NFU1: variants seen among roughly 807,000 people sequenced by gnomAD.
NFU1 encodes the protein NFU1 iron-sulfur cluster scaffold homolog, mitochondrial.
NFU1 carries 30 observed loss-of-function variants against 32.2 expected under a neutral mutation model. The ratio of observed to expected loss-of-function variants is 0.93; its 90% CI spans 0.70 to 1.26. NFU1 has a LOEUF of 1.26. Ranked by LOEUF, NFU1 falls within the 50% of genes most tolerant of loss-of-function variation. The pLI is 0.00. For missense variants in NFU1, 306 were observed against 306.6 expected (o/e 1.00, Z 0.02); for synonymous variants, 112 against 104.6 (o/e 1.07, Z -0.43).
intron 6 of NFU1, among the ~76,000 whole-genome samples, chr2:69,405,223 G>A (rs560963258): frequency 6.6e-6 from 1 of 152,220 alleles, no homozygotes; most frequent in Admixed American, 6.5e-5. Context: ...GGGTGACAGA[G>A]CAAGACTCCG....
At chr2:69,406,192 C>G in intron 5 of NFU1, 110 bp from the exon 6 acceptor site, 1 of 690,772 alleles carries the variant, frequency 1.4e-6, no homozygotes, top group Non-Finnish European at 2.5e-6. Flanking sequence ...AAACATAAAA[C>G]TATAGAAAGA....
At chr2:69,416,584 T>C (rs1291498827) in intron 4 of NFU1, among the ~76,000 whole-genome samples, 1 of 151,962 alleles carries the variant, frequency 6.6e-6, no homozygotes, top group Non-Finnish European at 1.5e-5. Context: ...AATTTACTTA[T>C]ATATATTACT....
chr2:69,423,422 A>ATT (rs141049329), intron 3 of NFU1, among the ~76,000 whole-genome samples, 160 bp downstream of exon 3: 6 of 148,610 alleles, frequency 4.0e-5, no homozygotes, highest in African/African-American at 5.0e-5. Flanking sequence ...AACAGGCCTT[A>ATT]TTTTTTTTTT....
At chr2:69,404,831 G>T (rs868002705) in intron 6 of NFU1, among the ~76,000 whole-genome samples, 1 of 151,160 alleles carries the variant, frequency 6.6e-6, no homozygotes, top group South Asian at 2.1e-4. Context: ...TGTTGGCCAG[G>T]CTGGTCTTGA....
At chr2:69,425,699 T>G (rs1437433899) in intron 2 of NFU1, among the ~76,000 whole-genome samples, 1 of 151,794 alleles carries the variant, frequency 6.6e-6, no homozygotes, top group Non-Finnish European at 1.5e-5. Context: ...TTGGCCAGGC[T>G]GATCTCAAAC....
chr2:69,435,187 G>A (rs1454906273), intron 1 of NFU1, among the ~76,000 whole-genome samples: 1 of 152,168 alleles, frequency 6.6e-6, no homozygotes, highest in Non-Finnish European at 1.5e-5. Context: ...TTTGGGAAAG[G>A]GCTATTATCA....
intron 3 of NFU1, among the ~76,000 whole-genome samples, chr2:69,422,154 G>T (rs1673267740): frequency 2.6e-5 from 4 of 152,084 alleles, no homozygotes; most frequent in Admixed American, 2.6e-4. Context: ...GGTGGTGGGG[G>T]GTTCAGCAGA....
At chr2:69,415,491 T>C (rs1673021238) in intron 4 of NFU1, among the ~76,000 whole-genome samples, 192 bp from the exon 5 acceptor site, 2 of 152,024 alleles carry the variant, frequency 1.3e-5, no homozygotes, top group African/African-American at 2.4e-5. Context: ...GCGATTCTCC[T>C]GCCTCAGCCT....
At chr2:69,437,322 A>T in intron 1 of NFU1, 39 bp downstream of exon 1, 1 of 1,590,226 alleles carries the variant, frequency 6.3e-7, no homozygotes, top group Non-Finnish European at 8.5e-7. Context: ...GGCTAAGCCC[A>T]GCGGCACACC....
At chr2:69,435,916 CTTTTTT>C (rs531070579) in intron 1 of NFU1, among the ~76,000 whole-genome samples, 1 of 135,502 alleles carries the variant, frequency 7.4e-6, no homozygotes, top group Non-Finnish European at 1.6e-5. Context: ...CCACGCCCAG[CTTTTTT>C]TTTTTTTTTT....
At chr2:69,437,558 C>T (rs1349890661), upstream of NFU1, 22 of 1,050,942 alleles carry the variant, frequency 2.1e-5, no homozygotes, top group East Asian at 5.2e-4. Context: ...CGGATAAGTG[C>T]GGTGGCCTAC....
chr2:69,424,098 C>T (rs557293786), intron 2 of NFU1, among the ~76,000 whole-genome samples: 125 of 136,526 alleles, frequency 9.2e-4, no homozygotes, highest in Non-Finnish European at 7.2e-4. Flanking sequence ...CTTGAACCTG[C>T]GAGGCGGAGG....
At chr2:69,413,068 A>G (rs569107364) in intron 5 of NFU1, among the ~76,000 whole-genome samples, 5 of 151,036 alleles carry the variant, frequency 3.3e-5, no homozygotes, top group African/African-American at 1.2e-4. Context: ...GCTGAGGCAG[A>G]TGGATCAGGA....
At chr2:69,409,867 C>A (rs1267688452) in intron 5 of NFU1, among the ~76,000 whole-genome samples, 3 of 152,172 alleles carry the variant, frequency 2.0e-5, no homozygotes, top group Non-Finnish European at 4.4e-5. Flanking sequence ...ACCTCCAACA[C>A]TGGGGATCAA....
chr2:69,406,069 A>T lies in NFU1; in HGVS notation c.498T>A (p.Asp166Glu). ...CCTTAATCATTGCCACAACTTCATC[A>T]TCTTCTTCAGATCCTAGAAATAATT... The part of the protein sequence containing the change: ...TPSGEAGSEE[D>E]DEVVAMIKEL... Residue 166 changes from aspartate (D) to glutamate (E), a missense_variant, in exon 6 of 8, where the codon GAT becomes GAA. Asp to Glu is a conservative substitution (Grantham distance 45, BLOSUM62 2). Transcript: ENST00000410022. The T allele has an allele frequency of 6.3e-7, 1 of 1,593,422 alleles. No homozygotes were observed. The highest frequency in any genetic ancestry group is 2.2e-5 in the East Asian group (1 of 44,682).
Position 69,406,137 on chromosome 2 carries a change from G to A in NFU1, c.485-55C>T, listed in dbSNP as rs924612843. On this transcript the variant is annotated intron_variant, in intron 5 of 7. Transcript: ENST00000410022. ...GAGTAGAAATTTTATAGCCATGCAA[G>A]TACGAGTATTAAAACAGAATGATTT... 3.0e-6 allele frequency: 3 copies of A among 998,218 alleles called. No individual in the cohort carries two copies. The Admixed American group carries it at 5.1e-5, about 17-fold the overall frequency. 61.8% of individuals were successfully genotyped at this position (998,218 alleles called of 1,614,324 possible).
At chr2:69,429,818 C>G (rs1188568789) in intron 2 of NFU1, 1 of 155,386 alleles carries the variant, frequency 6.4e-6, no homozygotes, top group Non-Finnish European at 1.4e-5. Flanking sequence ...TACTTGAGCT[C>G]TGGAGTTCAA....
intron 5 of NFU1, among the ~76,000 whole-genome samples, chr2:69,413,699 C>A (rs2104767651): frequency 6.6e-6 from 1 of 152,132 alleles, no homozygotes; most frequent in Admixed American, 6.5e-5. Flanking sequence ...GCAGAGGCTG[C>A]AGTGAACTGA....
intron 7 of NFU1, among the ~76,000 whole-genome samples, chr2:69,397,144 C>A (rs904189997): frequency 6.0e-5 from 9 of 149,596 alleles, no homozygotes; most frequent in African/African-American, 2.2e-4. Context: ...TTCTTTTTTT[C>A]AAAACCATCT....
Sources: allele counts gnomAD v4.1 joint callset (sites outside exome capture counted in the v4.1 genomes callset), GRCh38; gene constraint gnomAD v4.1.1; transcripts MANE v1.5; gene names NCBI Gene and HGNC (gene_info 2026-07-23, HGNC 2026-07-21).